SAMSN1: variants seen among roughly 807,000 people sequenced by gnomAD.
The protein encoded by SAMSN1 is SAM domain-containing protein SAMSN-1.
A neutral mutation model predicts 42.0 loss-of-function variants in SAMSN1; 31 were observed. That is an observed-to-expected ratio of 0.74 (90% CI 0.55 to 1.00). SAMSN1 has a LOEUF of 1.00. SAMSN1 is among the 50% of genes least tolerant of loss of function. The pLI is 0.00. For synonymous variants in SAMSN1, 178 were observed against 151.9 expected (o/e 1.17, Z -1.26); for missense variants, 464 against 439.4 (o/e 1.06, Z -0.50).
chr21:14,525,967 C>T (rs1318681417), intron 1 of SAMSN1, among the ~76,000 whole-genome samples: 5 of 152,212 alleles, frequency 3.3e-5, no homozygotes, highest in East Asian at 3.9e-4. Context: ...TGGATTGAAG[C>T]GATTCTCCTG....
intron 2 of SAMSN1, among the ~76,000 whole-genome samples, chr21:14,642,372 AC>A (rs1404607729): frequency 6.6e-6 from 1 of 152,266 alleles, no homozygotes; most frequent in Non-Finnish European, 1.5e-5. Context: ...CTTACCTTTT[AC>A]AAATGATGGT....
intron 7 of SAMSN1, among the ~76,000 whole-genome samples, chr21:14,590,620 G>A (rs1256311301): frequency 6.6e-6 from 1 of 151,904 alleles, no homozygotes; most frequent in Non-Finnish European, 1.5e-5. Flanking sequence ...TATTTAGAAG[G>A]CAGATTTCAA....
At chr21:14,510,144 GAA>G (rs112521674) in intron 5 of SAMSN1, among the ~76,000 whole-genome samples, 164 bp downstream of exon 5, 3 of 131,130 alleles carry the variant, frequency 2.3e-5, no homozygotes, top group East Asian at 2.2e-4. Flanking sequence ...CTCAAAAAAA[GAA>G]AAAAAAAAAA....
intron 7 of SAMSN1, among the ~76,000 whole-genome samples, chr21:14,593,034 A>G (rs1982137546): frequency 6.6e-6 from 1 of 152,152 alleles, no homozygotes; most frequent in South Asian, 2.1e-4. Context: ...AGTAATATTT[A>G]AATCATAACT....
intron 2 of SAMSN1, 53 bp downstream of exon 2, chr21:14,521,097 A>C: frequency 8.9e-7 from 1 of 1,118,206 alleles, no homozygotes; most frequent in East Asian, 2.4e-5. Flanking sequence ...TGTCTTCATA[A>C]TATTTCATAA....
intron 1 of SAMSN1, among the ~76,000 whole-genome samples, chr21:14,643,358 G>A (rs974087701): frequency 1.1e-4 from 16 of 152,242 alleles, no homozygotes; most frequent in Non-Finnish European, 2.1e-4. Flanking sequence ...ACAGAGCCAA[G>A]AATTTAAACA....
At chr21:14,621,282 A>G (rs1171701322) in intron 2 of SAMSN1, among the ~76,000 whole-genome samples, 2 of 152,170 alleles carry the variant, frequency 1.3e-5, no homozygotes, top group African/African-American at 4.8e-5. Context: ...TACTGGGTTC[A>G]TCTCACAGGG....
chr21:14,500,746 A>C lies in SAMSN1; in HGVS notation c.562-11T>G. The C allele has an allele frequency of 6.3e-7, 1 of 1,590,874 alleles. No homozygotes were observed. Among genetic ancestry groups the C allele is most frequent in the Non-Finnish European group, 8.6e-7 (1 of 1,158,990 alleles). On this transcript the variant is annotated splice_polypyrimidine_tract_variant and intron_variant, in intron 5 of 7. Coordinates refer to ENST00000400566, the MANE Select transcript of SAMSN1 (RefSeq NM_022136.5). ...TATGATGTCTCCTTTCTAAGGGCAA[A>C]GAAATCCATACACATTAGATTTCAG... is the stretch of plus-strand genomic sequence containing the variant.
At chr21:14,564,431 G>T (rs1981046429) in intron 2 of SAMSN1, among the ~76,000 whole-genome samples, 3 of 152,142 alleles carry the variant, frequency 2.0e-5, no homozygotes, top group Admixed American at 1.3e-4. Context: ...ACAGTATCAA[G>T]TGTTATTGTC....
intron 6 of SAMSN1, among the ~76,000 whole-genome samples, chr21:14,594,985 G>C (rs1320890030): frequency 6.6e-6 from 1 of 152,160 alleles, no homozygotes; most frequent in Non-Finnish European, 1.5e-5. Context: ...GGAAGGCAAA[G>C]GGGGAGCAGG....
intron 1 of SAMSN1, chr21:14,523,524 G>A (rs1445005492): frequency 6.6e-6 from 1 of 152,154 alleles, no homozygotes; most frequent in Non-Finnish European, 1.5e-5. Context: ...TTGCCTAGGA[G>A]GTGTTTCCAT....
At chr21:14,546,752 C>T (rs1466490059), upstream of SAMSN1, among the ~76,000 whole-genome samples, 2 of 152,010 alleles carry the variant, frequency 1.3e-5, no homozygotes, top group Non-Finnish European at 2.9e-5. Context: ...CTCTGTCACC[C>T]AGGCTAGAGT....
At chr21:14,654,491 T>G (rs767891586) in intron 1 of SAMSN1, among the ~76,000 whole-genome samples, 5 of 151,990 alleles carry the variant, frequency 3.3e-5, no homozygotes, top group Non-Finnish European at 7.4e-5. Context: ...TCTTAAACCC[T>G]GAGGGGTAGC....
At chr21:14,498,307 A>G (rs758234170) in intron 7 of SAMSN1, 135 bp downstream of exon 7, 13 of 712,868 alleles carry the variant, frequency 1.8e-5, no homozygotes, top group Middle Eastern at 3.9e-4. Flanking sequence ...TCAAACTTAT[A>G]TGAAAATACC....
chr21:14,574,667 G>T (rs1240626444), intron 2 of SAMSN1, among the ~76,000 whole-genome samples: 1 of 151,960 alleles, frequency 6.6e-6, no homozygotes, highest in African/African-American at 2.4e-5. Flanking sequence ...TATTTATCCT[G>T]GGTTTCTAGA....
At chr21:14,608,253 CTCT>C (rs1249568406) in intron 5 of SAMSN1, among the ~76,000 whole-genome samples, 3 of 152,248 alleles carry the variant, frequency 2.0e-5, no homozygotes, top group Non-Finnish European at 4.4e-5. Flanking sequence ...CACCCTCCTC[CTCT>C]ATCTCCTGGT....
intron 7 of SAMSN1, chr21:14,591,193 T>G (rs957401384): frequency 1.3e-5 from 2 of 152,128 alleles, no homozygotes; most frequent in African/African-American, 4.8e-5. Flanking sequence ...AAACTAAGAT[T>G]GGAAAAACAC....
intron 3 of SAMSN1, among the ~76,000 whole-genome samples, chr21:14,513,049 A>G (rs1467390842): frequency 6.6e-6 from 1 of 152,258 alleles, no homozygotes. Flanking sequence ...TAAAACATGT[A>G]CATTTTGCAA....
At chr21:14,512,640 T>C (rs1173016114) in intron 3 of SAMSN1, 67 bp from the exon 4 acceptor site, 3 of 1,439,922 alleles carry the variant, frequency 2.1e-6, no homozygotes, top group African/African-American at 1.5e-5. Flanking sequence ...ATTGAGTACA[T>C]TGATTTAATA....
Sources: gnomAD v4.1 joint callset for allele counts (sites outside exome capture counted in the v4.1 genomes callset) on GRCh38, gnomAD v4.1.1 for gene constraint, MANE v1.5 for transcripts, NCBI Gene and HGNC (gene_info 2026-07-23, HGNC 2026-07-21) for gene names.